Variants in SLC7A11 observed in about 807,000 individuals in gnomAD.
SLC7A11 encodes the protein solute carrier family 7 member 11.
SLC7A11 carries 35 observed loss-of-function variants against 54.5 expected under a neutral mutation model. The observed-to-expected ratio is 0.64, with a 90% CI of 0.49 to 0.85. The LOEUF is 0.85. Ranked by LOEUF, SLC7A11 falls within the 40% of genes least tolerant of loss-of-function variation. The pLI is 0.00. For missense variants in SLC7A11, 583 were observed against 618.1 expected (o/e 0.94, Z 0.60); for synonymous variants, 230 against 225.2 (o/e 1.02, Z -0.19).
intron 5 of SLC7A11, among the ~76,000 whole-genome samples, chr4:138,215,521 T>C (rs776382245): frequency 7.9e-5 from 12 of 152,162 alleles, no homozygotes; most frequent in Admixed American, 2.0e-4. Context: ...TTTTAAGGAC[T>C]GTTTTAAGTA....
At chr4:138,235,092 A>G (rs1738173756) in intron 2 of SLC7A11, among the ~76,000 whole-genome samples, 1 of 152,236 alleles carries the variant, frequency 6.6e-6, no homozygotes, top group Non-Finnish European at 1.5e-5. Flanking sequence ...TTAAGGAAGA[A>G]TAGAAGGTAT....
chr4:138,230,013 C>T (rs1356200604), intron 3 of SLC7A11, among the ~76,000 whole-genome samples: 1 of 152,096 alleles, frequency 6.6e-6, no homozygotes, highest in Non-Finnish European at 1.5e-5. Flanking sequence ...GCTGTTAGTT[C>T]AGTCCCTTAG....
rs1738204572 is a variant in SLC7A11 at position 138,236,314 on chromosome 4, T to A, written c.404+11A>T. ...TTTATTTTTTCTTAATTCTTTCTAC[T>A]ATGCTCTTACCGTATTATGAGGAGT... On this transcript the variant is annotated intron_variant, in intron 2 of 11. Transcript: ENST00000280612. The A allele has an allele frequency of 6.3e-7, 1 of 1,599,258 alleles. No individual in the cohort carries two copies. Among genetic ancestry groups the A allele is most frequent in the African/African-American group, 1.4e-5 (1 of 74,024 alleles).
intron 11 of SLC7A11, chr4:138,174,494 A>G (rs1402979784): frequency 6.6e-6 from 1 of 152,212 alleles, no homozygotes; most frequent in African/African-American, 2.4e-5. Flanking sequence ...TTTCATCGTA[A>G]TGAAGGCTTC....
intron 4 of SLC7A11, among the ~76,000 whole-genome samples, chr4:138,222,403 C>T (rs539460214): frequency 6.6e-6 from 1 of 152,322 alleles, no homozygotes; most frequent in African/African-American, 2.4e-5. Context: ...ACTTAACATG[C>T]CCAAGTTATG....
intron 7 of SLC7A11, among the ~76,000 whole-genome samples, chr4:138,184,809 T>C (rs112913374): frequency 0.027 from 4,065 of 152,150 alleles, 76 homozygotes; most frequent in Non-Finnish European, 0.03. Flanking sequence ...AATGCATTTA[T>C]TTAGATTCAA....
At chr4:138,224,440 A>G (rs550470820) in intron 3 of SLC7A11, among the ~76,000 whole-genome samples, 1 of 152,292 alleles carries the variant, frequency 6.6e-6, no homozygotes, top group East Asian at 1.9e-4. Context: ...CAAAGAATGA[A>G]ACAAAACTCC....
chr4:138,198,498 A>G (rs1292640115), intron 6 of SLC7A11, among the ~76,000 whole-genome samples: 3 of 152,196 alleles, frequency 2.0e-5, no homozygotes, highest in African/African-American at 7.2e-5. Flanking sequence ...TTTTCAAACC[A>G]TGAGGTGTAA....
chr4:138,172,052 G>A (rs774321491), intron 11 of SLC7A11, 35 bp from the exon 12 acceptor site: 6 of 1,560,546 alleles, frequency 3.8e-6, no homozygotes, highest in African/African-American at 2.8e-5. Flanking sequence ...AAAATGCATG[G>A]AAATCAGAAA....
At position 138,182,968 on chromosome 4, in the gene SLC7A11, A is replaced by T. The variant is rs891209300; in HGVS notation, c.1019+234T>A. On this transcript the variant is annotated intron_variant, in intron 8 of 11. Transcript: ENST00000280612. ...GCCATTGTTAGACTGTGGAAATACT[A>T]TTTTTAAAAAAGCCACATGTCCGTC... 2.6e-5 allele frequency among the ~76,000 whole-genome samples: 4 copies of T among 152,230 alleles called. No homozygotes were observed. The South Asian group carries it at 8.3e-4, about 32-fold the overall frequency.
chr4:138,216,840 C>A (rs1036641331), intron 5 of SLC7A11, among the ~76,000 whole-genome samples: 5 of 152,138 alleles, frequency 3.3e-5, no homozygotes, highest in Non-Finnish European at 7.3e-5. Context: ...GTCATAGCAG[C>A]AGCATAGGGA....
chr4:138,239,325 C>A (rs1310368087), intron 1 of SLC7A11, among the ~76,000 whole-genome samples: 1 of 152,058 alleles, frequency 6.6e-6, no homozygotes, highest in Non-Finnish European at 1.5e-5. Flanking sequence ...AGCTTCATAA[C>A]CATTTTGCCC....
rs1261387389 is a variant in SLC7A11 at position 138,165,260 on chromosome 4, C to G, written c.*6696G>C. 1 of 152,502 alleles carries G rather than the reference C, an allele frequency of 6.6e-6. No homozygotes were observed. The highest frequency in any genetic ancestry group is 1.5e-5 in the Non-Finnish European group (1 of 67,986). The allele number at this position is 152,502 out of a possible 1,614,324, so 9.4% of individuals were successfully genotyped here. ...CCTGAGATGAATTCTGAGTCAATAA[C>G]TAAAAACCATTTCTACCAGTGCATC... On this transcript the variant is annotated 3_prime_UTR_variant, in exon 12 of 12. Coordinates refer to ENST00000280612, the MANE Select transcript of SLC7A11 (RefSeq NM_014331.4).
At chr4:138,210,650 A>C (rs1274033710) in intron 6 of SLC7A11, among the ~76,000 whole-genome samples, 1 of 152,138 alleles carries the variant, frequency 6.6e-6, no homozygotes. Flanking sequence ...AAAAATGTTC[A>C]ACATCACTAA....
In SLC7A11 at chr4:138,184,571, A is replaced by G. The variant is rs574079842; in HGVS notation, c.915+550T>C. On this transcript the variant is annotated intron_variant, in intron 7 of 11. Coordinates refer to ENST00000280612, the MANE Select transcript of SLC7A11 (RefSeq NM_014331.4). ...TCAAATGCATGTTGGTATCTTTAAT[A>G]TTCTGAGAAGTATTATAACAACATC... Among the ~76,000 whole-genome samples, 4 of 152,276 alleles carry G rather than the reference A, an allele frequency of 2.6e-5. No individual in the cohort carries two copies. The South Asian group carries it at 8.3e-4, about 32-fold the overall frequency.
intron 1 of SLC7A11, among the ~76,000 whole-genome samples, chr4:138,237,080 G>A (rs1738230580): frequency 6.7e-6 from 1 of 149,640 alleles, no homozygotes; most frequent in South Asian, 2.1e-4. Flanking sequence ...CTGCCTCCTG[G>A]GTTCACACCA....
intron 6 of SLC7A11, among the ~76,000 whole-genome samples, chr4:138,192,029 A>T (rs183232495): frequency 1.0e-3 from 153 of 152,258 alleles, no homozygotes; most frequent in Admixed American, 1.4e-3. Flanking sequence ...TTAATTTTTT[A>T]AAAAAATTTA....
chr4:138,231,432 CA>C (rs1331954416), intron 3 of SLC7A11, among the ~76,000 whole-genome samples: 11 of 152,134 alleles, frequency 7.2e-5, no homozygotes, highest in African/African-American at 2.4e-4. Context: ...CTTAGCCATA[CA>C]AACTAAAAAT....
intron 1 of SLC7A11, among the ~76,000 whole-genome samples, chr4:138,237,738 T>TATATATATATATATG (rs1276520668): frequency 1.5e-4 from 1 of 6,778 alleles, no homozygotes; most frequent in Non-Finnish European, 2.5e-4. Context: ...TATATATATA[T>TATATATATATATATG]TTTTTTTTTT....
Sources: gnomAD v4.1 joint callset for allele counts (sites outside exome capture counted in the v4.1 genomes callset) on GRCh38, gnomAD v4.1.1 for gene constraint, MANE v1.5 for transcripts, NCBI Gene and HGNC (gene_info 2026-07-23, HGNC 2026-07-21) for gene names.